The following NLGN4X variants were observed in gnomAD, a reference collection of about 807,000 sequenced individuals.
NLGN4X encodes the protein neuroligin 4 X-linked, also known as neuroligin-4, X-linked.
A neutral mutation model predicts 40.3 loss-of-function variants in NLGN4X; 3 were observed. That is an observed-to-expected ratio of 0.07 (90% CI 0.03 to 0.19). The LOEUF (loss-of-function observed/expected upper bound fraction) is 0.19, where lower values mean the gene tolerates loss of function less well. NLGN4X is among the 10% of genes least tolerant of loss of function. The pLI, the probability that NLGN4X is intolerant of heterozygous loss-of-function variation, is 1.00. For missense variants in NLGN4X, 382 were observed against 708.3 expected (o/e 0.54, Z 5.23); for synonymous variants, 270 against 306.8 (o/e 0.88, Z 1.25).
chrX:5,988,610 C>T (rs1302042400), intron 3 of NLGN4X, among the ~76,000 whole-genome samples: 1 of 111,945 alleles, frequency 8.9e-6, no homozygotes, highest in Admixed American at 9.5e-5. Flanking sequence ...TTCCACTAAA[C>T]AGACTTTAAA....
At chrX:6,206,811 G>GA (rs1240540530) in intron 1 of NLGN4X, among the ~76,000 whole-genome samples, 1 of 111,792 alleles carries the variant, frequency 8.9e-6, no homozygotes, top group Non-Finnish European at 1.9e-5. Context: ...CATCTGCAAA[G>GA]ACCTTATTTC....
intron 2 of NLGN4X, among the ~76,000 whole-genome samples, chrX:6,108,361 T>C (rs1392187019): frequency 1.8e-5 from 2 of 111,945 alleles, no homozygotes; most frequent in Non-Finnish European, 3.8e-5. Context: ...TTTTGTAGAA[T>C]AACTATGAAT....
chrX:6,120,622 T>A (rs1045115481), intron 2 of NLGN4X, among the ~76,000 whole-genome samples: 4 of 112,009 alleles, frequency 3.6e-5, no homozygotes, highest in African/African-American at 1.3e-4. Context: ...CTGCTGAATG[T>A]CAATGCTTAC....
At chrX:6,032,840 AC>A in intron 2 of NLGN4X, 1 of 507,732 alleles carries the variant, frequency 2.0e-6, no homozygotes, top group Non-Finnish European at 3.0e-6. Flanking sequence ...GAGAGATGCT[AC>A]CCAGAAAAAG....
chrX:6,011,779 A>G (rs189754976), intron 3 of NLGN4X, among the ~76,000 whole-genome samples: 311 of 111,744 alleles, frequency 2.8e-3, no homozygotes, highest in African/African-American at 9.7e-3. Context: ...CTTTAAAACC[A>G]GGAAAGGATG....
intron 3 of NLGN4X, among the ~76,000 whole-genome samples, chrX:6,026,522 C>T (rs1041530681): frequency 9.0e-5 from 10 of 111,445 alleles, no homozygotes; most frequent in Admixed American, 6.7e-4. Context: ...AAGTAAATGC[C>T]GCCTAGCTGT....
chrX:5,990,697 C>G (rs968651862), intron 3 of NLGN4X, among the ~76,000 whole-genome samples: 1 of 111,649 alleles, frequency 9.0e-6, no homozygotes, highest in South Asian at 3.8e-4. Context: ...GGGATAAAGA[C>G]AGGCTACCAA....
At chrX:6,054,959 A>T (rs917159007) in intron 2 of NLGN4X, among the ~76,000 whole-genome samples, 4 of 112,409 alleles carry the variant, frequency 3.6e-5, no homozygotes, top group African/African-American at 9.7e-5. Flanking sequence ...CTCAGCAGGA[A>T]TTAAATTTTT....
intron 1 of NLGN4X, among the ~76,000 whole-genome samples, chrX:6,202,575 C>T (rs1923719421): frequency 9.1e-6 from 1 of 110,219 alleles, no homozygotes; most frequent in Non-Finnish European, 1.9e-5. Context: ...TGAGCTCAAG[C>T]AATCCTGCTT....
chrX:6,024,551 A>G (rs1244590658), intron 3 of NLGN4X, among the ~76,000 whole-genome samples: 1 of 110,992 alleles, frequency 9.0e-6, no homozygotes. Flanking sequence ...TACAGGCCAC[A>G]AAGACCTTGC....
intron 3 of NLGN4X, chrX:5,991,549 G>T: frequency 2.0e-6 from 1 of 505,551 alleles, no homozygotes; most frequent in Non-Finnish European, 3.7e-6. Context: ...TAGGACAGGT[G>T]AGGGCCTGAC....
intron 1 of NLGN4X, among the ~76,000 whole-genome samples, chrX:6,172,304 T>C (rs2040623596): frequency 8.9e-6 from 1 of 111,812 alleles, no homozygotes; most frequent in South Asian, 3.7e-4. Flanking sequence ...CCTGGAAGTG[T>C]AGATCCCTCA....
intron 1 of NLGN4X, among the ~76,000 whole-genome samples, chrX:6,196,917 G>A (rs143730969): frequency 0.011 from 1,201 of 111,920 alleles, 19 homozygotes; most frequent in African/African-American, 0.037. Flanking sequence ...CAAGCACTGA[G>A]GAGGGAGAGA....
intron 3 of NLGN4X, among the ~76,000 whole-genome samples, chrX:5,996,725 A>G (rs2035829908): frequency 9.1e-6 from 1 of 109,885 alleles, no homozygotes; most frequent in African/African-American, 3.3e-5. Context: ...CAGCCTCCCA[A>G]GTAGCTGGGA....
At chrX:5,959,402 T>C (rs2034589360) in intron 3 of NLGN4X, among the ~76,000 whole-genome samples, 7 of 111,995 alleles carry the variant, frequency 6.3e-5, no homozygotes, top group Admixed American at 5.7e-4. Flanking sequence ...ATTTTAATGT[T>C]ATGGGCCAAT....
chrX:5,985,451 T>TA lies in NLGN4X; in HGVS notation c.625+43828_625+43829insT, dbSNP rs1313762650. On this transcript the variant is annotated intron_variant, in intron 3 of 5. Coordinates refer to ENST00000381095, the MANE Select transcript of NLGN4X (RefSeq NM_181332.3). The stretch of plus-strand genomic sequence containing the variant: ...AATTTATTTTTTTTATTTATTTATT[T>TA]TTTTTTATGTTTCATAGAGATGAGG... Among the ~76,000 whole-genome samples, 447 of 110,035 alleles carry TA rather than the reference T, an allele frequency of 4.1e-3. 5 individuals are homozygous for TA. Among genetic ancestry groups the TA allele is most frequent in the African/African-American group, 0.014 (427 of 30,228 alleles).
chrX:5,988,423 G>A (rs955455600), intron 3 of NLGN4X, among the ~76,000 whole-genome samples: 2 of 112,317 alleles, frequency 1.8e-5, no homozygotes, highest in Non-Finnish European at 3.8e-5. Context: ...TTAGTTGTAT[G>A]GAAACCACAT....
At chrX:6,160,813 G>A (rs1054250703) in intron 1 of NLGN4X, among the ~76,000 whole-genome samples, 8 of 107,623 alleles carry the variant, frequency 7.4e-5, no homozygotes, top group East Asian at 2.9e-4. Context: ...GAGCCAACGC[G>A]CCTGGCCAAA....
intron 3 of NLGN4X, among the ~76,000 whole-genome samples, chrX:5,917,233 A>G (rs1263839981): frequency 1.8e-5 from 2 of 112,449 alleles, no homozygotes; most frequent in Non-Finnish European, 3.8e-5. Context: ...TGGACCCAGC[A>G]CCATTTGAAA....
Sources: allele counts gnomAD v4.1 joint callset (sites outside exome capture counted in the v4.1 genomes callset), GRCh38; gene constraint gnomAD v4.1.1; transcripts MANE v1.5; gene names NCBI Gene and HGNC (gene_info 2026-07-23, HGNC 2026-07-21).